The following SRGAP2B variants were observed in gnomAD, a reference collection of about 807,000 sequenced individuals.
SRGAP2B encodes SLIT-ROBO Rho GTPase-activating protein 2B.
A neutral mutation model predicts 22.2 loss-of-function variants in SRGAP2B; 9 were observed. That is an observed-to-expected ratio of 0.41 (90% CI 0.24 to 0.71). The LOEUF (loss-of-function observed/expected upper bound fraction) is 0.71, where lower values mean the gene tolerates loss of function less well. SRGAP2B is among the 30% of genes least tolerant of loss of function. The pLI is 0.35. For synonymous variants in SRGAP2B, 36 were observed against 87.4 expected, an observed-to-expected ratio of 0.41 and a Z score of 3.28; for missense variants, 114 against 235.8, an observed-to-expected ratio of 0.48 and a Z score of 3.38.
intron 3 of SRGAP2B, among the ~76,000 whole-genome samples, chr1:144,988,999 C>CTTTTTTTTTTTTTTTTTTTTT (rs3062880): frequency 1.8e-5 from 1 of 55,080 alleles, no homozygotes. Context: ...ACTCCCCCCA[C>CTTTTTTTTTTTTTTTTTTTTT]TTTTTTTTTT....
At chr1:144,902,689 G>A (rs1662722027) in intron 7 of SRGAP2B, among the ~76,000 whole-genome samples, 1 of 145,938 alleles carries the variant, frequency 6.9e-6, no homozygotes. Context: ...GTGAACCTGG[G>A]AGGCGGAGCT....
In SRGAP2B at chr1:144,984,365, CAAAAA is replaced by C. The variant is rs57268593; in HGVS notation, c.260+10638_260+10642del. Among the ~76,000 whole-genome samples, 899 of 126,318 alleles carry C rather than the reference CAAAAA, an allele frequency of 7.1e-3. 20 individuals are homozygous for C. Among genetic ancestry groups the C allele is most frequent in the African/African-American group, 0.027 (858 of 32,120 alleles). The allele number at this position is 126,318 out of a possible 152,430, so 82.9% of individuals were successfully genotyped here. A position where few individuals can be genotyped will look rare whatever the true frequency, so the allele number is the denominator to read the frequency against. The stretch of plus-strand genomic sequence containing the variant: ...ACAACAACAACAACAACAACAACAA[CAAAAA>C]AAAAAAAACAAAAAAGCCCCTCTCT... On this transcript the variant is annotated intron_variant, in intron 3 of 9. Transcript: ENST00000612199.
intron 2 of SRGAP2B, among the ~76,000 whole-genome samples, chr1:145,080,318 C>T (rs1553634587): frequency 3.4e-5 from 5 of 148,408 alleles, no homozygotes; most frequent in Non-Finnish European, 4.4e-5. Context: ...AGCTGTGAGG[C>T]ACATCTTCCT....
rs199490599 is a variant in SRGAP2B at position 145,005,844 on chromosome 1, T to C, written c.68-10644A>G. Reference sequence around the variant, plus strand: ...AAAGTAGATTAAGAATGAAGAGAGATGTACAAAAGTGTCAATAACTATGGA... The same window carrying C: ...AAAGTAGATTAAGAATGAAGAGAGACGTACAAAAGTGTCAATAACTATGGA... On this transcript the variant is annotated intron_variant, in intron 2 of 9. Coordinates refer to ENST00000612199, the Ensembl canonical transcript of SRGAP2B. 5.5e-5 allele frequency among the ~76,000 whole-genome samples: 8 copies of C among 146,362 alleles called. No homozygotes were observed. The East Asian group carries it at 1.0e-3, about 19-fold the overall frequency.
intron 3 of SRGAP2B, among the ~76,000 whole-genome samples, chr1:144,975,072 C>G (rs1668795774): frequency 6.7e-6 from 1 of 148,368 alleles, no homozygotes; most frequent in South Asian, 2.1e-4. Context: ...GCATGTCTGG[C>G]CTATGTCCCC....
At chr1:145,015,187 G>C (rs1672329006) in intron 2 of SRGAP2B, among the ~76,000 whole-genome samples, 1 of 105,962 alleles carries the variant, frequency 9.4e-6, no homozygotes, top group African/African-American at 4.0e-5. Flanking sequence ...AGCAATTCTA[G>C]TGAGCCTCAG....
At chr1:144,911,501 C>G in intron 5 of SRGAP2B, among the ~76,000 whole-genome samples, 1 of 148,874 alleles carries the variant, frequency 6.7e-6, no homozygotes, top group South Asian at 2.1e-4. Context: ...TCCCAGGAAA[C>G]TCTTCAGTAC....
chr1:144,911,950 CTTTT>C (rs1175957935), intron 5 of SRGAP2B, among the ~76,000 whole-genome samples: 3 of 112,920 alleles, frequency 2.7e-5, no homozygotes, highest in Admixed American at 8.8e-5. Flanking sequence ...TTTCCTTTTT[CTTTT>C]TTTTTTTTTT....
intron 4 of SRGAP2B, among the ~76,000 whole-genome samples, chr1:144,928,403 G>GTTA (rs1664905472): frequency 7.4e-6 from 1 of 135,964 alleles, no homozygotes; most frequent in African/African-American, 2.7e-5. Flanking sequence ...TCCACTTTTT[G>GTTA]GTTATTTATT....
intron 2 of SRGAP2B, among the ~76,000 whole-genome samples, chr1:145,066,393 T>G (rs1651488208): frequency 2.1e-5 from 3 of 142,884 alleles, no homozygotes. Flanking sequence ...TAAGATCAGA[T>G]GAGATATGAA....
intron 4 of SRGAP2B, among the ~76,000 whole-genome samples, chr1:144,951,037 G>A (rs1305956197): frequency 2.0e-5 from 3 of 150,248 alleles, no homozygotes; most frequent in Non-Finnish European, 4.4e-5. Context: ...TTGTAGAGAC[G>A]GGGTTTCACC....
intron 2 of SRGAP2B, among the ~76,000 whole-genome samples, chr1:145,068,220 A>C (rs1651717585): frequency 6.8e-6 from 1 of 146,408 alleles, no homozygotes; most frequent in Admixed American, 6.7e-5. Context: ...AAAAAAAAAA[A>C]AAAAAAACAA....
At chr1:145,020,571 C>T (rs1672729271) in intron 2 of SRGAP2B, among the ~76,000 whole-genome samples, 1 of 146,618 alleles carries the variant, frequency 6.8e-6, no homozygotes, top group Non-Finnish European at 1.5e-5. Flanking sequence ...ATATATTCAT[C>T]ATGTTTATTG....
chr1:144,985,175 G>A (rs1306019597), intron 3 of SRGAP2B, among the ~76,000 whole-genome samples: 1 of 127,402 alleles, frequency 7.8e-6, no homozygotes, highest in Non-Finnish European at 1.6e-5. Flanking sequence ...ATTTCTCCCT[G>A]ACTAGATTAT....
In SRGAP2B at chr1:145,022,114, C is replaced by G. The variant is rs1196282298; in HGVS notation, c.68-26914G>C. Among the ~76,000 whole-genome samples, 3 of 136,160 alleles carry G rather than the reference C, an allele frequency of 2.2e-5. No individual in the cohort carries two copies. The East Asian group carries it at 6.4e-4, about 29-fold the overall frequency. The allele number at this position is 136,160 out of a possible 152,430, so 89.3% of individuals were successfully genotyped here. The stretch of plus-strand genomic sequence containing the variant: ...CAGAGTTCCCAGCCTAAGGAAAACC[C>G]CAGAAAGGATTTCAGGCCACAAGGA... On this transcript the variant is annotated intron_variant, in intron 2 of 9. Transcript: ENST00000612199.
At chr1:144,905,724 A>G (rs2101698956) in intron 6 of SRGAP2B, 135 bp downstream of exon 6, 1 of 671,890 alleles carries the variant, frequency 1.5e-6, no homozygotes, top group South Asian at 1.7e-5. Context: ...GCAAGGCCTC[A>G]TTTTCAGTCA....
rs1330212058 is a variant in SRGAP2B, at chr1:145,024,460, G to GTTTGTT, written c.68-29266_68-29261dup. Among the ~76,000 whole-genome samples the GTTTGTT allele has an allele frequency of 3.1e-4, 46 of 148,818 alleles. 3 individuals are homozygous for GTTTGTT. Among genetic ancestry groups the GTTTGTT allele is most frequent in the African/African-American group, 1.0e-3 (39 of 38,824 alleles). ...GAGCCACCATGTCCAGCCCATAGTA[G>GTTTGTT]TTTGTTTTTGTTTTTGTTTTTGAGA... On this transcript the variant is annotated intron_variant, in intron 2 of 9. Transcript: ENST00000612199.
In SRGAP2B at chr1:145,006,251, C is replaced by T. The variant is rs495281; in HGVS notation, c.68-11051G>A. On this transcript the variant is annotated intron_variant, in intron 2 of 9. Transcript: ENST00000612199. Reference sequence around the variant, plus strand: ...TTGACCTACAGGAGATAGAAACTGACGAATGAAATATTTTCCCTCCTTGCC... The same window carrying T: ...TTGACCTACAGGAGATAGAAACTGATGAATGAAATATTTTCCCTCCTTGCC... Among the ~76,000 whole-genome samples the T allele has an allele frequency of 1.1e-3, 166 of 150,992 alleles. 12 individuals are homozygous for T. The highest frequency in any genetic ancestry group is 3.9e-3 in the African/African-American group (159 of 40,472).
chr1:145,073,049 T>C (rs1652262235), intron 2 of SRGAP2B, among the ~76,000 whole-genome samples: 1 of 148,192 alleles, frequency 6.7e-6, no homozygotes. Flanking sequence ...ACTCCAGTTT[T>C]CTCTCTCCTT....
Sources: gnomAD v4.1 joint callset for allele counts (sites outside exome capture counted in the v4.1 genomes callset) on GRCh38, gnomAD v4.1.1 for gene constraint, MANE v1.5 for transcripts, NCBI Gene and HGNC (gene_info 2026-07-23, HGNC 2026-07-21) for gene names.